TMEM132B: variants seen among roughly 807,000 people sequenced by gnomAD.
The protein encoded by TMEM132B is transmembrane protein 132B.
A neutral mutation model predicts 90.8 loss-of-function variants in TMEM132B; 18 were observed. The ratio of observed to expected loss-of-function variants is 0.20; its 90% CI spans 0.14 to 0.29. TMEM132B has a LOEUF of 0.29. TMEM132B is among the 10% of genes least tolerant of loss of function. TMEM132B has a pLI of 1.00. For synonymous variants in TMEM132B, 504 were observed against 523.3 expected (o/e 0.96, Z 0.50); for missense variants, 1,096 against 1,326.8 (o/e 0.83, Z 2.70).
chr12:125,462,594 C>A (rs1435318515), intron 3 of TMEM132B, among the ~76,000 whole-genome samples: 1 of 152,138 alleles, frequency 6.6e-6, no homozygotes, highest in Non-Finnish European at 1.5e-5. Context: ...TTGAGCCCTG[C>A]ACGATAAATA....
At chr12:125,452,603 A>G (rs1881184876) in intron 3 of TMEM132B, among the ~76,000 whole-genome samples, 3 of 152,226 alleles carry the variant, frequency 2.0e-5, no homozygotes, top group Non-Finnish European at 2.9e-5. Flanking sequence ...AGTGATGCAT[A>G]GGAGTTCTCA....
In TMEM132B at chr12:125,657,382, C is replaced by G. The variant is rs1423653695; in HGVS notation, c.*2672C>G. 1 of 149,426 alleles carries G rather than the reference C, an allele frequency of 6.7e-6. No individual in the cohort carries two copies. The highest frequency in any genetic ancestry group is 2.0e-4 in the East Asian group (1 of 5,102). The allele number at this position is 149,426 out of a possible 1,614,324, so 9.3% of individuals were successfully genotyped here. ...GTGTGTGTGTGTGAATACTGAAGAG[C>G]CAGACAACAAACTATTTAGTAAGAA... is the stretch of plus-strand genomic sequence containing the variant. On this transcript the variant is annotated 3_prime_UTR_variant, in exon 9 of 9. Transcript: ENST00000682704.
At chr12:125,585,162 A>T (rs1885151680) in intron 5 of TMEM132B, 1 of 152,202 alleles carries the variant, frequency 6.6e-6, no homozygotes, top group Non-Finnish European at 1.5e-5. Flanking sequence ...AGGTCTAATT[A>T]ACAAAGAAAT....
chr12:125,390,895 G>GT (rs1878990859), intron 2 of TMEM132B, among the ~76,000 whole-genome samples: 1 of 152,168 alleles, frequency 6.6e-6, no homozygotes, highest in African/African-American at 2.4e-5. Flanking sequence ...GAAAAATATT[G>GT]TTTTGGGGTA....
At chr12:125,187,872 C>T (rs1458168541) in intron 1 of TMEM132B, among the ~76,000 whole-genome samples, 3 of 150,562 alleles carry the variant, frequency 2.0e-5, no homozygotes, top group Non-Finnish European at 2.9e-5. Flanking sequence ...AATCTCAGTT[C>T]TCCAAACCTT....
chr12:125,631,381 G>A (rs1310678219), intron 5 of TMEM132B, among the ~76,000 whole-genome samples: 5 of 152,026 alleles, frequency 3.3e-5, no homozygotes, highest in African/African-American at 7.2e-5. Flanking sequence ...TTTTTAAAGT[G>A]TTTTAAGACT....
intron 5 of TMEM132B, among the ~76,000 whole-genome samples, chr12:125,640,536 G>A (rs1414624112): frequency 6.6e-6 from 1 of 152,204 alleles, no homozygotes; most frequent in Non-Finnish European, 1.5e-5. Flanking sequence ...GGCCAGAGAA[G>A]GAGGCAGGTC....
intron 5 of TMEM132B, among the ~76,000 whole-genome samples, chr12:125,602,265 G>A (rs969644791): frequency 2.0e-5 from 3 of 152,050 alleles, no homozygotes; most frequent in Non-Finnish European, 4.4e-5. Flanking sequence ...CTTATCTACC[G>A]TGATCAAGTC....
intron 5 of TMEM132B, among the ~76,000 whole-genome samples, chr12:125,591,183 AATCCGTATC>A (rs1885310336): frequency 6.6e-6 from 1 of 152,176 alleles, no homozygotes; most frequent in East Asian, 1.9e-4. Context: ...TTCATTTTTT[AATCCGTATC>A]ACCTGGAACA....
At chr12:125,614,314 G>A (rs192040623) in intron 5 of TMEM132B, among the ~76,000 whole-genome samples, 38 of 152,204 alleles carry the variant, frequency 2.5e-4, no homozygotes, top group Non-Finnish European at 3.1e-4. Flanking sequence ...TCTTACTTAT[G>A]TCCACGTGTG....
chr12:125,520,234 G>A (rs1883273944), intron 4 of TMEM132B, among the ~76,000 whole-genome samples: 1 of 152,152 alleles, frequency 6.6e-6, no homozygotes, highest in African/African-American at 2.4e-5. Context: ...TCAGGGTCAT[G>A]GGTGAGATTC....
chr12:125,494,489 T>C (rs1319211135), intron 3 of TMEM132B, among the ~76,000 whole-genome samples: 1,107 of 22,562 alleles, frequency 0.049, no homozygotes, highest in South Asian at 0.068. Context: ...CCTCCCCCTC[T>C]TCCCTGGAAA....
intron 1 of TMEM132B, among the ~76,000 whole-genome samples, chr12:125,203,217 A>G (rs1873105739): frequency 6.6e-6 from 1 of 152,188 alleles, no homozygotes; most frequent in Non-Finnish European, 1.5e-5. Context: ...TTACTGGTAC[A>G]AGAGGCCCTT....
At chr12:125,584,301 CAA>C (rs1294631034) in intron 5 of TMEM132B, 1 of 331,076 alleles carries the variant, frequency 3.0e-6, no homozygotes, top group Admixed American at 4.4e-5. Flanking sequence ...CCTCGTAAGA[CAA>C]TATTTTCCTA....
chr12:125,340,239 ATG>A (rs931494346), intron 1 of TMEM132B, among the ~76,000 whole-genome samples: 3 of 152,186 alleles, frequency 2.0e-5, no homozygotes, highest in African/African-American at 7.2e-5. Context: ...ATAGCGAAAA[ATG>A]TGTGCGCACC....
At chr12:125,196,313 A>C (rs1872924203) in intron 1 of TMEM132B, among the ~76,000 whole-genome samples, 1 of 152,230 alleles carries the variant, frequency 6.6e-6, no homozygotes, top group Non-Finnish European at 1.5e-5. Context: ...AGAACAACAG[A>C]ACTTCATCCG....
At chr12:125,335,997 AATT>A (rs1876944457) in intron 1 of TMEM132B, among the ~76,000 whole-genome samples, 1 of 152,122 alleles carries the variant, frequency 6.6e-6, no homozygotes, top group South Asian at 2.1e-4. Flanking sequence ...AAAGGAAAAA[AATT>A]ATTTTCAGTA....
intron 5 of TMEM132B, among the ~76,000 whole-genome samples, chr12:125,628,955 C>T (rs988621907): frequency 2.6e-5 from 4 of 151,948 alleles, no homozygotes; most frequent in Non-Finnish European, 5.9e-5. Flanking sequence ...AGTGAGTTCA[C>T]TGTAGGTGTG....
intron 5 of TMEM132B, among the ~76,000 whole-genome samples, chr12:125,625,827 A>G (rs1460372826): frequency 6.6e-6 from 1 of 152,010 alleles, no homozygotes; most frequent in Non-Finnish European, 1.5e-5. Context: ...GTATTGAAAT[A>G]TTTTTCTTTT....
Sources: allele counts gnomAD v4.1 joint callset (sites outside exome capture counted in the v4.1 genomes callset), GRCh38; gene constraint gnomAD v4.1.1; transcripts MANE v1.5; gene names NCBI Gene and HGNC (gene_info 2026-07-23, HGNC 2026-07-21).